Variants in SPTBN2 observed in about 807,000 individuals in gnomAD.
SPTBN2 encodes spectrin beta chain, non-erythrocytic 2.
A neutral mutation model predicts 284.2 loss-of-function variants in SPTBN2; 107 were observed. The ratio of observed to expected loss-of-function variants is 0.38; its 90% CI spans 0.32 to 0.44. The LOEUF is 0.44. Ranked by LOEUF, SPTBN2 falls within the 20% of genes least tolerant of loss-of-function variation. SPTBN2 has a pLI of 1.00. For missense variants in SPTBN2, 2,569 were observed against 3,287.1 expected (o/e 0.78, Z 5.34); for synonymous variants, 1,289 against 1,354.8 (o/e 0.95, Z 1.07).
At position 66,710,198 on chromosome 11, in the gene SPTBN2, AT is replaced by A. The variant is rs1941779487; in HGVS notation, c.1073+383del. ...GCTGGGATGACAGGCGTGTGCCACC[AT>A]GCCCAGCTAATTTTTTTGTAATTTT... On this transcript the variant is annotated intron_variant, in intron 10 of 37. Coordinates refer to ENST00000533211, the MANE Select transcript of SPTBN2 (RefSeq NM_006946.4). This position sits in a 1 kb window ranked among gnomAD's most constrained non-coding sequence, Gnocchi z 4.9. Among the ~76,000 whole-genome samples the A allele has an allele frequency of 6.6e-6, 1 of 152,160 alleles. No individual in the cohort carries two copies. Among genetic ancestry groups the A allele is most frequent in the Non-Finnish European group, 1.5e-5 (1 of 68,048 alleles).
rs758822609 is a variant in SPTBN2 at position 66,693,076 on chromosome 11, C to T, written c.4879G>A (p.Val1627Met). Residue 1627 changes from valine (V) to methionine (M), a missense_variant, in exon 25 of 38, where the codon GTG becomes ATG. Coordinates refer to ENST00000533211, the MANE Select transcript of SPTBN2 (RefSeq NM_006946.4). This position sits in a 1 kb window ranked among gnomAD's most constrained non-coding sequence, Gnocchi z 5.7. ...AKDELSAQAE[V>M]KKHQVLEQAL... Reference sequence around the variant, plus strand: ...TGCTCCAGCACCTGGTGCTTCTTCACCTCTGCCTGGGCACTCAGCTCATCC... The same window carrying T: ...TGCTCCAGCACCTGGTGCTTCTTCATCTCTGCCTGGGCACTCAGCTCATCC... 1.2e-6 allele frequency: 2 copies of T among 1,614,016 alleles called. No homozygotes were observed. Among genetic ancestry groups the T allele is most frequent in the African/African-American group, 1.3e-5 (1 of 74,922 alleles).
chr11:66,696,354 T>G lies in SPTBN2; in HGVS notation c.4201A>C (p.Ser1401Arg), dbSNP rs1398532655. 6.2e-7 allele frequency: 1 copy of G among 1,613,222 alleles called. No homozygotes were observed. Among genetic ancestry groups the G allele is most frequent in the African/African-American group, 1.3e-5 (1 of 74,900 alleles). The change falls in exon 21 of 38, where the codon AGC (serine) becomes CGC (arginine). Residue 1401 changes from serine to arginine, a missense_variant. Physicochemically the swap from Ser to Arg is moderately radical, Grantham distance 110 (BLOSUM62 -1). Around this residue, in one of 6 missense-constraint regions of SPTBN2, gnomAD observed 49 missense variants for 92.6 expected, o/e 0.53. Coordinates refer to ENST00000533211, the MANE Select transcript of SPTBN2 (RefSeq NM_006946.4). ...TCCGAGTGCAGCTGGGCCTGCAGGC[T>G]CTCCAGCCAGCTCTCCAGGGCACAG... Reference protein sequence around the residue: ...SCCALESWLESLQAQLHSDDY... With the variant: ...SCCALESWLERLQAQLHSDDY...
intron 36 of SPTBN2, 82 bp from the exon 37 acceptor site, chr11:66,686,522 C>T: frequency 7.4e-6 from 11 of 1,488,902 alleles, no homozygotes; most frequent in African/African-American, 1.4e-5. Context: ...AATCATGACC[C>T]AACACCAGGC....
chr11:66,685,633 CG>C lies in SPTBN2; in HGVS notation c.*237del. Reference sequence around the variant, plus strand: ...AGGCTGGGGAAAGGGGAGAAGTCGGCGGGGGTGGGAGAGGGGGTTACCTGGG... The same window carrying C: ...AGGCTGGGGAAAGGGGAGAAGTCGGCGGGGTGGGAGAGGGGGTTACCTGGG... On this transcript the variant is annotated 3_prime_UTR_variant, in exon 38 of 38. Coordinates refer to ENST00000533211, the MANE Select transcript of SPTBN2 (RefSeq NM_006946.4). The surrounding 1 kb of genome is among the most constrained non-coding windows in gnomAD (Gnocchi z 4.4). 4.2e-6 allele frequency: 2 copies of C among 478,218 alleles called. No homozygotes were observed. The highest frequency in any genetic ancestry group is 7.3e-6 in the Non-Finnish European group (2 of 272,192). The allele number at this position is 478,218 out of a possible 1,614,324, so 29.6% of individuals were successfully genotyped here.
chr11:66,694,035 G>C, intron 22 of SPTBN2, 104 bp downstream of exon 22: 2 of 1,451,178 alleles, frequency 1.4e-6, no homozygotes, highest in Non-Finnish European at 1.9e-6. Context: ...ATGCCAAAGA[G>C]AAGAGGGAAT....
In SPTBN2 at chr11:66,691,006, G is replaced by A. The variant is rs538122387; in HGVS notation, c.5565+278C>T. Among the ~76,000 whole-genome samples, 64 of 152,220 alleles carry A rather than the reference G, an allele frequency of 4.2e-4. 1 individual carries two copies. The highest frequency in any genetic ancestry group is 3.8e-3 in the Admixed American group (58 of 15,286). The stretch of plus-strand genomic sequence containing the variant: ...CTAATTTTGTATTTTTAGTAGAGAA[G>A]GGGTTTCTCCATGTTGGTCAGGCTG... On this transcript the variant is annotated intron_variant, in intron 27 of 37. Coordinates refer to ENST00000533211, the MANE Select transcript of SPTBN2 (RefSeq NM_006946.4). This position sits in a 1 kb window ranked among gnomAD's most constrained non-coding sequence, Gnocchi z 8.0.
Position 66,694,545 on chromosome 11 carries a change from G to A in SPTBN2, c.4279-182C>T, listed in dbSNP as rs934919984. Among the ~76,000 whole-genome samples the A allele has an allele frequency of 9.8e-5, 15 of 152,290 alleles. No individual in the cohort carries two copies. In the South Asian group the frequency reaches 1.2e-3, roughly 13 times the overall value. ...GAACTTTATATGCACAAGAATCCAA[G>A]GGCAGGGGTTGAAAAAATCCCTATT... On this transcript the variant is annotated intron_variant, in intron 21 of 37. Coordinates refer to ENST00000533211, the MANE Select transcript of SPTBN2 (RefSeq NM_006946.4).
Position 66,704,799 on chromosome 11 carries a change from C to A in SPTBN2, c.2477G>T (p.Arg826Leu). 6.2e-7 allele frequency: 1 copy of A among 1,604,548 alleles called. No homozygotes were observed. Among genetic ancestry groups the A allele is most frequent in the Non-Finnish European group, 8.5e-7 (1 of 1,177,638 alleles). Residue 826 changes from arginine to leucine, a missense_variant, in exon 15 of 38, where the codon CGG (arginine) becomes CTG (leucine). By Grantham distance (102) the Arg-to-Leu change is moderately radical. Transcript: ENST00000533211. ...GTAGTGCCGCTCCAGGGTGGGCACC[C>A]GGCTCTGCACCTCGGGCGTGCGGCT... ...TLSRTPEVQS[R>L]VPTLERHYEE...
At position 66,687,581 on chromosome 11, in the gene SPTBN2, C is replaced by T; in HGVS notation, c.6568G>A (p.Ala2190Thr). 1 of 1,611,042 alleles carries T rather than the reference C, an allele frequency of 6.2e-7. No homozygotes were observed. ...CTGCTCTGGGGCATTGCAGATGGGG[C>T]CGGGCCCCGAGTCCGGGTCTGCCTC... ...GERQTRTRGPAPSAMPQSRST... is the reference protein window; with the variant it reads ...GERQTRTRGPTPSAMPQSRST... Residue 2190 changes from alanine (A) to threonine (T), a missense_variant, in exon 35 of 38, where the codon GCC (alanine) becomes ACC (threonine). By Grantham distance (58) the Ala-to-Thr change is moderately conservative. This residue lies in a region of SPTBN2 where 1,130 missense variants were observed against 1,317.3 expected (regional missense o/e 0.86). Transcript: ENST00000533211. This position sits in a 1 kb window ranked among gnomAD's most constrained non-coding sequence, Gnocchi z 5.2.
At chr11:66,722,367 G>A (rs1385863693) in intron 1 of SPTBN2, among the ~76,000 whole-genome samples, 3 of 151,654 alleles carry the variant, frequency 2.0e-5, no homozygotes, top group Non-Finnish European at 4.4e-5. Flanking sequence ...AAGGTCAGGA[G>A]ATCGAGACCA....
chr11:66,703,548 T>C (rs1941359315), intron 15 of SPTBN2, among the ~76,000 whole-genome samples: 1 of 152,026 alleles, frequency 6.6e-6, no homozygotes, highest in African/African-American at 2.4e-5. Context: ...CTCGCTAACA[T>C]GGTGAAACCC....
At chr11:66,696,997 T>C (rs1426648056) in intron 20 of SPTBN2, among the ~76,000 whole-genome samples, 1 of 152,170 alleles carries the variant, frequency 6.6e-6, no homozygotes. Context: ...AAGTGTGCTC[T>C]CTTGAACTGT....
intron 26 of SPTBN2, among the ~76,000 whole-genome samples, chr11:66,692,082 TTGTG>T (rs1318477142): frequency 6.6e-6 from 1 of 151,922 alleles, no homozygotes; most frequent in Non-Finnish European, 1.5e-5. Context: ...ATTCTTCAAA[TTGTG>T]TGTGTGTGTA....
chr11:66,744,588 C>T (rs1209084916), exon 1 of SPTBN2: 4 of 218,986 alleles, frequency 1.8e-5, no homozygotes, highest in Admixed American at 5.8e-5. Context: ...CCCCGAACCT[C>T]CCACCTGCGG....
intron 3 of SPTBN2, among the ~76,000 whole-genome samples, chr11:66,716,546 C>T (rs937447682): frequency 6.6e-6 from 1 of 152,118 alleles, no homozygotes; most frequent in East Asian, 1.9e-4. Flanking sequence ...GACCTTTCAT[C>T]CTCAGAAACC....
At chr11:66,744,156 C>G (rs757693981) in intron 1 of SPTBN2, among the ~76,000 whole-genome samples, 2 of 152,190 alleles carry the variant, frequency 1.3e-5, no homozygotes, top group Non-Finnish European at 2.9e-5. Context: ...CCACTGCGCC[C>G]GGCCCAGGGC....
At position 66,691,596 on chromosome 11, in the gene SPTBN2, T is replaced by C; in HGVS notation, c.5253A>G (p.Val1751=). ...CATTGGCCAGCGCATTGGCGCTATC[T>C]ACGCGCTCCTGACCGATGGTGCTTG... ...RDTSTIGQER[V]DSANALANGL... The change falls in exon 27 of 38, where the codon GTA becomes GTG. Residue 1751 remains valine (V), a synonymous_variant. Transcript: ENST00000533211. This position sits in a 1 kb window ranked among gnomAD's most constrained non-coding sequence, Gnocchi z 8.0. 1 of 1,613,870 alleles carries C rather than the reference T, an allele frequency of 6.2e-7. No homozygotes were observed. Among genetic ancestry groups the C allele is most frequent in the African/African-American group, 1.3e-5 (1 of 75,082 alleles).
intron 3 of SPTBN2, among the ~76,000 whole-genome samples, chr11:66,716,644 G>C (rs559799312): frequency 6.6e-6 from 1 of 152,294 alleles, no homozygotes; most frequent in South Asian, 2.1e-4. Flanking sequence ...GAGCCCCAAT[G>C]TCTCATCTGT....
intron 29 of SPTBN2, 142 bp from the exon 30 acceptor site, chr11:66,689,322 TG>T: frequency 1.2e-6 from 1 of 866,610 alleles, no homozygotes; most frequent in Non-Finnish European, 1.8e-6. Context: ...TCACCAAGGC[TG>T]GAATGCAGTG....
Sources: allele counts gnomAD v4.1 joint callset (sites outside exome capture counted in the v4.1 genomes callset), GRCh38; gene constraint gnomAD v4.1.1; regional missense constraint gnomAD v4.1.1; non-coding constraint Gnocchi (gnomAD v3.1); transcripts MANE v1.5; gene names NCBI Gene and HGNC (gene_info 2026-07-23, HGNC 2026-07-21).